DOCK1: variants seen among roughly 807,000 people sequenced by gnomAD.
DOCK1 encodes dedicator of cytokinesis 1, also known as dedicator of cytokinesis protein 1.
A neutral mutation model predicts 262.7 loss-of-function variants in DOCK1; 138 were observed. The ratio of observed to expected loss-of-function variants is 0.53; its 90% CI spans 0.46 to 0.61. The LOEUF (loss-of-function observed/expected upper bound fraction) is 0.61. DOCK1 is among the 20% of genes least tolerant of loss of function. DOCK1 has a pLI of 0.00. For missense variants in DOCK1, 1,908 were observed against 2,370.7 expected (o/e 0.80, Z 4.05); for synonymous variants, 866 against 867.4 (o/e 1.00, Z 0.03).
chr10:127,296,384 G>A (rs900956233), intron 29 of DOCK1, among the ~76,000 whole-genome samples: 9 of 152,116 alleles, frequency 5.9e-5, no homozygotes, highest in Non-Finnish European at 8.8e-5. Flanking sequence ...CCCTTTCAGC[G>A]CCTCCACCTG....
chr10:126,993,887 T>C (rs2039984072), intron 6 of DOCK1, among the ~76,000 whole-genome samples: 1 of 152,250 alleles, frequency 6.6e-6, no homozygotes, highest in Non-Finnish European at 1.5e-5. Flanking sequence ...TATCTGGCTT[T>C]AAGGTGTGTG....
In DOCK1 at chr10:127,258,880, C is replaced by T. The variant is rs540060010; in HGVS notation, c.3044+1451C>T. ...ATTGAATTTCCTGTGATGGCTTTGC[C>T]TCTCTTTAATGCCTATTGTCCTTCC... On this transcript the variant is annotated intron_variant, in intron 29 of 51. Coordinates refer to ENST00000623213, the MANE Select transcript of DOCK1 (RefSeq NM_001290223.2). Among the ~76,000 whole-genome samples the T allele has an allele frequency of 2.0e-5, 3 of 152,324 alleles. No individual in the cohort carries two copies. In the South Asian group the frequency reaches 6.2e-4, roughly 32 times the overall value.
At chr10:127,022,473 G>T (rs2135443072) in intron 13 of DOCK1, among the ~76,000 whole-genome samples, 1 of 152,234 alleles carries the variant, frequency 6.6e-6, no homozygotes, top group Admixed American at 6.5e-5. Flanking sequence ...TGCTGAGGCT[G>T]GAGTGCAGTG....
At chr10:127,093,084 C>T (rs186045027) in intron 23 of DOCK1, among the ~76,000 whole-genome samples, 12 of 152,200 alleles carry the variant, frequency 7.9e-5, no homozygotes, top group Middle Eastern at 3.4e-3. Flanking sequence ...TCTCTTCCAG[C>T]GTCCAGGGCT....
At chr10:127,191,475 T>A (rs1189100590) in intron 27 of DOCK1, among the ~76,000 whole-genome samples, 2 of 152,176 alleles carry the variant, frequency 1.3e-5, no homozygotes, top group Non-Finnish European at 2.9e-5. Context: ...CTGCATTTTT[T>A]AAGGATGCTA....
intron 29 of DOCK1, among the ~76,000 whole-genome samples, chr10:127,261,719 A>T (rs1450559926): frequency 3.3e-4 from 28 of 84,270 alleles, no homozygotes; most frequent in Non-Finnish European, 5.1e-4. Context: ...ATGTGTGTGC[A>T]TGTGGGTGTG....
chr10:127,339,695 TTG>T (rs112206811), intron 30 of DOCK1, among the ~76,000 whole-genome samples: 94 of 109,838 alleles, frequency 8.6e-4, no homozygotes, highest in Middle Eastern at 4.5e-3. Flanking sequence ...CTGGCCTGAT[TTG>T]TGTGTGTGTG....
At position 127,336,763 on chromosome 10, in the gene DOCK1, T is replaced by A. The variant is rs1344586220; in HGVS notation, c.3045-2243T>A. Among the ~76,000 whole-genome samples the A allele has an allele frequency of 2.6e-5, 4 of 152,116 alleles. No individual in the cohort carries two copies. In the East Asian group the frequency reaches 7.7e-4, roughly 29 times the overall value. On this transcript the variant is annotated intron_variant, in intron 29 of 51. Coordinates refer to ENST00000623213, the MANE Select transcript of DOCK1 (RefSeq NM_001290223.2). Reference sequence around the variant, plus strand: ...ACTGTGTTAGCCAGGATGGTCTCAATCTCCTGACCTCGTGATTCACCCACC... The same window carrying A: ...ACTGTGTTAGCCAGGATGGTCTCAAACTCCTGACCTCGTGATTCACCCACC...
intron 1 of DOCK1, among the ~76,000 whole-genome samples, chr10:126,924,894 T>C (rs1320944053): frequency 6.6e-6 from 1 of 152,260 alleles, no homozygotes; most frequent in Non-Finnish European, 1.5e-5. Flanking sequence ...CTTTTAATAA[T>C]TGTGGCATAC....
intron 27 of DOCK1, among the ~76,000 whole-genome samples, chr10:127,144,153 C>T (rs1322504972): frequency 6.6e-6 from 1 of 152,220 alleles, no homozygotes; most frequent in East Asian, 1.9e-4. Flanking sequence ...TAGTCTCCCT[C>T]ACTCTCTGTA....
At chr10:127,368,917 C>A (rs775636423) in intron 33 of DOCK1, among the ~76,000 whole-genome samples, 9 of 152,120 alleles carry the variant, frequency 5.9e-5, no homozygotes, top group Non-Finnish European at 8.8e-5. Context: ...GGGCCATAGA[C>A]CATTAATAAA....
intron 12 of DOCK1, chr10:127,013,601 C>G (rs1018646415): frequency 1.3e-4 from 20 of 152,228 alleles, no homozygotes; most frequent in African/African-American, 4.1e-4. Flanking sequence ...CCTGCCTCTG[C>G]CAGGCTCACT....
At chr10:127,133,666 C>T (rs901103286) in intron 27 of DOCK1, among the ~76,000 whole-genome samples, 3 of 152,214 alleles carry the variant, frequency 2.0e-5, no homozygotes, top group Non-Finnish European at 4.4e-5. Context: ...GCACAATATG[C>T]TCTGCAATCC....
chr10:126,990,667 C>G (rs2039725845), intron 6 of DOCK1, 64 bp downstream of exon 6: 1 of 1,522,620 alleles, frequency 6.6e-7, no homozygotes, highest in Non-Finnish European at 8.8e-7. Context: ...CACTATAAGT[C>G]TTCAGGAGAC....
At chr10:126,915,094 G>A (rs780035505) in intron 1 of DOCK1, among the ~76,000 whole-genome samples, 11 of 152,214 alleles carry the variant, frequency 7.2e-5, no homozygotes, top group Admixed American at 2.0e-4. Context: ...TGTGTGCCTC[G>A]CAGGAAGAGG....
chr10:127,378,134 G>T (rs971154011), intron 35 of DOCK1, among the ~76,000 whole-genome samples: 3 of 152,092 alleles, frequency 2.0e-5, no homozygotes, highest in African/African-American at 7.2e-5. Flanking sequence ...TCATCCACAC[G>T]TCCCATCTCT....
At chr10:127,031,848 G>T in intron 17 of DOCK1, 95 bp downstream of exon 17, 1 of 1,119,822 alleles carries the variant, frequency 8.9e-7, no homozygotes. Context: ...TCATTGTGAG[G>T]AAGCTGCTAT....
chr10:127,010,445 C>T (rs904046634), intron 11 of DOCK1, among the ~76,000 whole-genome samples: 4 of 152,106 alleles, frequency 2.6e-5, no homozygotes, highest in African/African-American at 4.8e-5. Flanking sequence ...CCAGCCTGGG[C>T]GACAGAGGGA....
chr10:127,245,391 C>T (rs2059398432), intron 27 of DOCK1, among the ~76,000 whole-genome samples: 2 of 152,252 alleles, frequency 1.3e-5, no homozygotes, highest in African/African-American at 4.8e-5. Flanking sequence ...GCAGCACCGC[C>T]TCTAACTTGT....
Sources: allele counts gnomAD v4.1 joint callset (sites outside exome capture counted in the v4.1 genomes callset), GRCh38; gene constraint gnomAD v4.1.1; transcripts MANE v1.5; gene names NCBI Gene and HGNC (gene_info 2026-07-23, HGNC 2026-07-21).